FGGY: variants seen among roughly 807,000 people sequenced by gnomAD.
FGGY encodes FGGY carbohydrate kinase domain containing.
A neutral mutation model predicts 71.3 loss-of-function variants in FGGY; 72 were observed. That is an observed-to-expected ratio of 1.01 (90% CI 0.84 to 1.23). FGGY has a LOEUF of 1.23. Ranked by LOEUF, FGGY falls within the 50% of genes most tolerant of loss-of-function variation. The pLI is 0.00. For synonymous variants in FGGY, 251 were observed against 250.3 expected, an observed-to-expected ratio of 1.00 and a Z score of -0.02; for missense variants, 668 against 682.3, an observed-to-expected ratio of 0.98 and a Z score of 0.23.
chr1:59,354,221 G>C (rs2053848128), intron 4 of FGGY, among the ~76,000 whole-genome samples: 1 of 152,104 alleles, frequency 6.6e-6, no homozygotes, highest in Admixed American at 6.6e-5. Flanking sequence ...GGGACTACAG[G>C]CACACACCAC....
rs747772630 is a variant in FGGY, at chr1:59,325,375, C to CAACAACAACAACAACAAA, written c.201+3636_201+3637insCAACAAAAACAACAACAA. 7.9e-3 allele frequency among the ~76,000 whole-genome samples: 1,203 copies of CAACAACAACAACAACAAA among 152,076 alleles called. 3 individuals carry two copies. Among genetic ancestry groups the CAACAACAACAACAACAAA allele is most frequent in the East Asian group, 0.033 (173 of 5,178 alleles). ...CCGTGTCCAACAACAGCAACAACAA[C>CAACAACAACAACAACAAA]AACAACAACAAAAACAGTAAGCTTA... On this transcript the variant is annotated intron_variant, in intron 2 of 15. Coordinates refer to ENST00000303721, the MANE Select transcript of FGGY (RefSeq NM_018291.5).
chr1:59,519,852 A>C (rs897647905), intron 7 of FGGY, among the ~76,000 whole-genome samples: 8 of 152,240 alleles, frequency 5.3e-5, no homozygotes. Context: ...TCATAGCAAG[A>C]TTTGAAATTG....
At chr1:59,637,681 T>C (rs1378504807) in intron 10 of FGGY, among the ~76,000 whole-genome samples, 3 of 152,232 alleles carry the variant, frequency 2.0e-5, no homozygotes, top group Non-Finnish European at 4.4e-5. Context: ...CTCCTGATCC[T>C]AACTGCATTT....
intron 2 of FGGY, among the ~76,000 whole-genome samples, chr1:59,323,308 C>T (rs1460745985): frequency 6.6e-6 from 1 of 152,166 alleles, no homozygotes; most frequent in Non-Finnish European, 1.5e-5. Flanking sequence ...TAATCATCTC[C>T]CAGTGGTGGC....
chr1:59,546,950 CTTTTTTTT>C (rs761977942), intron 7 of FGGY, among the ~76,000 whole-genome samples: 1 of 115,208 alleles, frequency 8.7e-6, no homozygotes, highest in African/African-American at 3.4e-5. Flanking sequence ...ACCTTTTTGA[CTTTTTTTT>C]TTTTTTTTTT....
chr1:59,628,482 A>G (rs578030024), intron 10 of FGGY, among the ~76,000 whole-genome samples: 1 of 152,346 alleles, frequency 6.6e-6, no homozygotes, highest in South Asian at 2.1e-4. Flanking sequence ...CATGGATTCA[A>G]CTCTGGACCA....
chr1:59,715,480 T>TC (rs1172962189), intron 14 of FGGY, among the ~76,000 whole-genome samples: 1 of 152,192 alleles, frequency 6.6e-6, no homozygotes, highest in African/African-American at 2.4e-5. Flanking sequence ...AACACTTGGT[T>TC]CCCCTTGGGT....
chr1:59,651,349 G>A (rs1228618114), intron 11 of FGGY, among the ~76,000 whole-genome samples: 1 of 150,544 alleles, frequency 6.6e-6, no homozygotes. Context: ...GTTGACAGTG[G>A]GGTGTTAAAG....
In FGGY at chr1:59,674,032, T is replaced by A; in HGVS notation, c.1418-7T>A. The A allele has an allele frequency of 6.2e-7, 1 of 1,612,670 alleles. No homozygotes were observed. On this transcript the variant is annotated splice_polypyrimidine_tract_variant and splice_region_variant and intron_variant, in intron 13 of 15. Coordinates refer to ENST00000303721, the MANE Select transcript of FGGY (RefSeq NM_018291.5). ...CCCTAACCAAGGTGTGGCCTTGTCCTGCGCAGGCATGCCTGTGGTCCTGTC... is the reference window on the plus strand; with the variant it reads ...CCCTAACCAAGGTGTGGCCTTGTCCAGCGCAGGCATGCCTGTGGTCCTGTC...
At chr1:59,654,182 T>C (rs889732763) in intron 11 of FGGY, among the ~76,000 whole-genome samples, 1 of 152,230 alleles carries the variant, frequency 6.6e-6, no homozygotes, top group African/African-American at 2.4e-5. Context: ...TTAGCCTAGA[T>C]TCCAGACACT....
chr1:59,499,218 T>C (rs1031291181), intron 6 of FGGY, among the ~76,000 whole-genome samples: 8 of 151,562 alleles, frequency 5.3e-5, no homozygotes, highest in African/African-American at 1.5e-4. Flanking sequence ...AGTTCCCCCT[T>C]GTCCATGGAA....
chr1:59,397,519 G>A (rs2061464366), intron 5 of FGGY, among the ~76,000 whole-genome samples: 1 of 152,236 alleles, frequency 6.6e-6, no homozygotes, highest in Non-Finnish European at 1.5e-5. Flanking sequence ...GTAAGCACAA[G>A]TAAATAGAGG....
At chr1:59,338,567 C>T (rs1043160032) in intron 2 of FGGY, among the ~76,000 whole-genome samples, 1 of 152,036 alleles carries the variant, frequency 6.6e-6, no homozygotes, top group East Asian at 1.9e-4. Context: ...TTCCATAACC[C>T]CAAAATGGTG....
chr1:59,366,094 A>G (rs953490480), intron 4 of FGGY, among the ~76,000 whole-genome samples: 3 of 152,090 alleles, frequency 2.0e-5, no homozygotes, highest in African/African-American at 7.3e-5. Flanking sequence ...AGTTTTCATT[A>G]AAATGATAGC....
At chr1:59,520,524 A>G (rs1193754618) in intron 7 of FGGY, among the ~76,000 whole-genome samples, 1 of 152,202 alleles carries the variant, frequency 6.6e-6, no homozygotes, top group Non-Finnish European at 1.5e-5. Context: ...TCTATGCTGT[A>G]TCTGTGAAAT....
intron 2 of FGGY, among the ~76,000 whole-genome samples, chr1:59,336,162 A>G (rs908775328): frequency 6.6e-6 from 1 of 152,082 alleles, no homozygotes; most frequent in Non-Finnish European, 1.5e-5. Context: ...AGTTTTGTGT[A>G]TGGTGTGAGG....
intron 14 of FGGY, among the ~76,000 whole-genome samples, chr1:59,688,417 T>A (rs1402741437): frequency 6.6e-6 from 1 of 152,254 alleles, no homozygotes; most frequent in African/African-American, 2.4e-5. Flanking sequence ...CAAAGTTTTC[T>A]AATCTTTTTG....
intron 9 of FGGY, among the ~76,000 whole-genome samples, chr1:59,624,773 G>T (rs566274592): frequency 6.6e-6 from 1 of 152,080 alleles, no homozygotes; most frequent in Non-Finnish European, 1.5e-5. Context: ...GGGAAACTGC[G>T]CCCATGATTC....
intron 8 of FGGY, among the ~76,000 whole-genome samples, chr1:59,593,793 T>C (rs1002338451): frequency 5.3e-5 from 8 of 152,178 alleles, no homozygotes; most frequent in Non-Finnish European, 4.4e-5. Context: ...TCATCTCTCT[T>C]TTTCACAGGA....
Sources: allele counts gnomAD v4.1 joint callset (sites outside exome capture counted in the v4.1 genomes callset), GRCh38; gene constraint gnomAD v4.1.1; transcripts MANE v1.5; gene names NCBI Gene and HGNC (gene_info 2026-07-23, HGNC 2026-07-21).